Variants in SCFD2 observed in about 807,000 individuals in gnomAD.
The protein encoded by SCFD2 is sec1 family domain-containing protein 2.
Under a neutral mutation model 58.9 loss-of-function variants are expected in SCFD2, and 54 were observed. That is an observed-to-expected ratio of 0.92 (90% confidence interval 0.74 to 1.15). SCFD2 has a LOEUF of 1.15. Among genes scored for constraint, SCFD2 ranks in the 50% most tolerant of loss-of-function variants. The pLI, the probability that SCFD2 is intolerant of heterozygous loss-of-function variation, is 0.00. For missense variants in SCFD2, 805 were observed against 836.6 expected (o/e 0.96, Z 0.47); for synonymous variants, 321 against 335.9 (o/e 0.96, Z 0.49).
At chr4:52,895,506 C>CT (rs1272130023) in intron 7 of SCFD2, among the ~76,000 whole-genome samples, 1 of 152,086 alleles carries the variant, frequency 6.6e-6, no homozygotes, top group Middle Eastern at 3.2e-3. Context: ...TGAACTCATC[C>CT]TTTTTTATGG....
At chr4:52,981,095 T>C (rs1721367269) in intron 5 of SCFD2, among the ~76,000 whole-genome samples, 1 of 152,224 alleles carries the variant, frequency 6.6e-6, no homozygotes, top group Admixed American at 6.5e-5. Context: ...TAATTATTTA[T>C]TATCTGCTAT....
At chr4:52,891,457 C>T (rs1469929772) in intron 7 of SCFD2, among the ~76,000 whole-genome samples, 1 of 152,244 alleles carries the variant, frequency 6.6e-6, no homozygotes, top group Middle Eastern at 3.4e-3. Flanking sequence ...ATGAAGCAGG[C>T]AGAAGCCCCA....
At chr4:52,930,730 T>A (rs1409732668) in intron 5 of SCFD2, among the ~76,000 whole-genome samples, 4 of 152,210 alleles carry the variant, frequency 2.6e-5, no homozygotes. Flanking sequence ...ATCATGATAC[T>A]GTATCACAGT....
intron 3 of SCFD2, among the ~76,000 whole-genome samples, chr4:53,293,195 A>T (rs564963854): frequency 1.3e-5 from 2 of 152,182 alleles, no homozygotes; most frequent in South Asian, 4.1e-4. Context: ...CAGCAATCTA[A>T]TGCAGGAGCG....
intron 2 of SCFD2, among the ~76,000 whole-genome samples, chr4:53,341,715 G>A (rs939016556): frequency 7.9e-5 from 12 of 152,108 alleles, no homozygotes; most frequent in African/African-American, 2.7e-4. Flanking sequence ...GAGAAAGGTC[G>A]GGTTACCCAC....
chr4:53,362,954 G>A (rs1734587348), intron 1 of SCFD2, among the ~76,000 whole-genome samples: 1 of 152,084 alleles, frequency 6.6e-6, no homozygotes, highest in Admixed American at 6.6e-5. Flanking sequence ...TGGTAGATTT[G>A]GTGATGGGAA....
At chr4:52,931,816 C>A (rs1180877509) in intron 5 of SCFD2, among the ~76,000 whole-genome samples, 2 of 152,192 alleles carry the variant, frequency 1.3e-5, no homozygotes, top group African/African-American at 4.8e-5. Flanking sequence ...ATCCCTCCTG[C>A]CCTCCAGGAA....
intron 5 of SCFD2, 39 bp downstream of exon 5, chr4:53,145,294 C>T (rs1201689048): frequency 6.2e-7 from 1 of 1,605,800 alleles, no homozygotes; most frequent in Non-Finnish European, 8.5e-7. Context: ...TTTCGTGTAT[C>T]AGTGATGTTT....
At chr4:53,037,601 T>A (rs1377883238) in intron 5 of SCFD2, among the ~76,000 whole-genome samples, 1 of 152,128 alleles carries the variant, frequency 6.6e-6, no homozygotes, top group Non-Finnish European at 1.5e-5. Flanking sequence ...TAGAAGCATT[T>A]GTGTTGCCAA....
chr4:53,342,222 G>A (rs910451813), intron 2 of SCFD2, among the ~76,000 whole-genome samples: 3 of 152,256 alleles, frequency 2.0e-5, no homozygotes, highest in Admixed American at 6.5e-5. Context: ...CAACTCACGT[G>A]CAGAGACACA....
chr4:52,898,316 T>G (rs1258208924), intron 7 of SCFD2, among the ~76,000 whole-genome samples: 1 of 152,268 alleles, frequency 6.6e-6, no homozygotes, highest in African/African-American at 2.4e-5. Context: ...CTCTACACAC[T>G]GCTTTGAATG....
intron 5 of SCFD2, among the ~76,000 whole-genome samples, chr4:52,927,846 T>A (rs140304803): frequency 7.2e-4 from 109 of 152,310 alleles, no homozygotes; most frequent in African/African-American, 1.9e-3. Context: ...CTGGGTCAGG[T>A]GGAGGCTGGT....
intron 2 of SCFD2, among the ~76,000 whole-genome samples, chr4:53,327,848 G>C (rs930537929): frequency 2.0e-5 from 3 of 152,176 alleles, no homozygotes; most frequent in African/African-American, 7.2e-5. Flanking sequence ...ACAGAGATTA[G>C]CATAGAAATA....
chr4:53,178,933 G>C (rs559122869), intron 4 of SCFD2, among the ~76,000 whole-genome samples: 1 of 152,198 alleles, frequency 6.6e-6, no homozygotes. Context: ...AATGAAGTGA[G>C]AAGAGAAGTT....
intron 4 of SCFD2, among the ~76,000 whole-genome samples, chr4:53,187,303 A>T (rs1424248443): frequency 6.6e-6 from 1 of 152,110 alleles, no homozygotes; most frequent in Non-Finnish European, 1.5e-5. Context: ...CAGCATAGAG[A>T]GTCTTGTGGA....
chr4:53,030,455 T>A (rs935941835), intron 5 of SCFD2, among the ~76,000 whole-genome samples: 1 of 151,842 alleles, frequency 6.6e-6, no homozygotes, highest in African/African-American at 2.4e-5. Context: ...CAGAGTCTCA[T>A]TCTGTCACCC....
At chr4:52,976,026 G>T (rs949271499) in intron 5 of SCFD2, among the ~76,000 whole-genome samples, 1 of 116,752 alleles carries the variant, frequency 8.6e-6, no homozygotes, top group Non-Finnish European at 1.7e-5. Context: ...CCTGTTGTGG[G>T]GTGGGGGGAG....
intron 5 of SCFD2, among the ~76,000 whole-genome samples, chr4:53,138,136 C>G (rs1725998786): frequency 6.6e-6 from 1 of 152,022 alleles, no homozygotes; most frequent in Non-Finnish European, 1.5e-5. Context: ...AGAAAAATAG[C>G]CTATTTATAA....
intron 5 of SCFD2, among the ~76,000 whole-genome samples, chr4:52,971,244 A>C (rs1419309917): frequency 6.6e-6 from 1 of 152,236 alleles, no homozygotes; most frequent in African/African-American, 2.4e-5. Flanking sequence ...GTTTGAACCC[A>C]TGGCAAAGAA....
Sources: allele counts gnomAD v4.1 joint callset (sites outside exome capture counted in the v4.1 genomes callset), GRCh38; gene constraint gnomAD v4.1.1; transcripts MANE v1.5; gene names NCBI Gene and HGNC (gene_info 2026-07-23, HGNC 2026-07-21).